The following CADPS variants were observed in gnomAD, a reference collection of about 807,000 sequenced individuals.
CADPS encodes calcium-dependent secretion activator 1.
A neutral mutation model predicts 167.3 loss-of-function variants in CADPS; 57 were observed. The ratio of observed to expected loss-of-function variants is 0.34; its 90% CI spans 0.28 to 0.42. CADPS has a LOEUF of 0.42. CADPS is among the 20% of genes least tolerant of loss of function. The pLI is 1.00. For synonymous variants in CADPS, 676 were observed against 635.3 expected (o/e 1.06, Z -0.96); for missense variants, 1,414 against 1,738.1 (o/e 0.81, Z 3.32).
intron 2 of CADPS, among the ~76,000 whole-genome samples, chr3:62,764,628 G>A (rs1478846609): frequency 6.6e-6 from 1 of 152,174 alleles, no homozygotes; most frequent in East Asian, 1.9e-4. Context: ...GGAGTCAAGT[G>A]CTTTAGCAAG....
At chr3:62,498,437 C>T (rs2065168523) in intron 18 of CADPS, among the ~76,000 whole-genome samples, 1 of 151,984 alleles carries the variant, frequency 6.6e-6, no homozygotes, top group Non-Finnish European at 1.5e-5. Flanking sequence ...TTTTAAATCT[C>T]ACTTTTGAGA....
At chr3:62,648,815 T>C (rs1279420665) in intron 5 of CADPS, among the ~76,000 whole-genome samples, 2 of 152,064 alleles carry the variant, frequency 1.3e-5, no homozygotes, top group African/African-American at 4.8e-5. Context: ...CACCTTTAAT[T>C]GGCAATAATC....
chr3:62,771,229 A>G (rs543810231), intron 1 of CADPS, among the ~76,000 whole-genome samples: 2 of 152,204 alleles, frequency 1.3e-5, no homozygotes, highest in South Asian at 4.1e-4. Context: ...GAGTGAATAC[A>G]TGAGCCTATT....
At chr3:62,490,706 G>A (rs2063553230) in intron 21 of CADPS, among the ~76,000 whole-genome samples, 1 of 152,134 alleles carries the variant, frequency 6.6e-6, no homozygotes. Flanking sequence ...AGTGGGGTAG[G>A]TATTGTTTCC....
At chr3:62,447,972 T>C (rs561652914) in intron 26 of CADPS, among the ~76,000 whole-genome samples, 48 of 152,302 alleles carry the variant, frequency 3.2e-4, no homozygotes, top group African/African-American at 1.1e-3. Flanking sequence ...AGTTTCTTCT[T>C]TAAGCCACCC....
chr3:62,536,909 G>A (rs893782599), intron 11 of CADPS, among the ~76,000 whole-genome samples: 2 of 152,052 alleles, frequency 1.3e-5, no homozygotes, highest in African/African-American at 4.8e-5. Flanking sequence ...AAAGCAGATC[G>A]GATCTTTGCT....
chr3:62,652,360 T>C (rs1162702411), intron 4 of CADPS, among the ~76,000 whole-genome samples: 1 of 133,248 alleles, frequency 7.5e-6, no homozygotes, highest in Non-Finnish European at 1.5e-5. Context: ...CCCACCTAGA[T>C]CCCATGGAAC....
intron 3 of CADPS, among the ~76,000 whole-genome samples, chr3:62,725,000 C>A (rs775923822): frequency 2.6e-5 from 4 of 152,194 alleles, no homozygotes; most frequent in Admixed American, 6.5e-5. Context: ...TGCCAGTGAG[C>A]CCCAGGCTCC....
intron 6 of CADPS, among the ~76,000 whole-genome samples, chr3:62,595,967 GTTC>G (rs2058853114): frequency 6.6e-6 from 1 of 152,098 alleles, no homozygotes; most frequent in Non-Finnish European, 1.5e-5. Context: ...TGGACTCCAA[GTTC>G]TTTAGTTTTG....
chr3:62,457,579 A>C (rs1210542211), intron 26 of CADPS, among the ~76,000 whole-genome samples: 1 of 152,262 alleles, frequency 6.6e-6, no homozygotes, highest in Admixed American at 6.5e-5. Flanking sequence ...CTAAAATATA[A>C]GTCACAAGAG....
chr3:62,457,775 G>A (rs2058864644), intron 26 of CADPS, among the ~76,000 whole-genome samples: 1 of 152,166 alleles, frequency 6.6e-6, no homozygotes, highest in African/African-American at 2.4e-5. Flanking sequence ...ATGAGTTCAT[G>A]TCCTTTGCAG....
chr3:62,850,085 C>CTGATGG (rs2078242007), intron 1 of CADPS, among the ~76,000 whole-genome samples: 1 of 105,420 alleles, frequency 9.5e-6, no homozygotes, highest in African/African-American at 3.4e-5. Context: ...GTAGTATTCT[C>CTGATGG]TGATGGTAGT....
chr3:62,795,813 A>G (rs1424644979), intron 1 of CADPS, among the ~76,000 whole-genome samples: 3 of 152,180 alleles, frequency 2.0e-5, no homozygotes, highest in Non-Finnish European at 4.4e-5. Flanking sequence ...TAGTAGGGGA[A>G]GGCCTCCTGC....
At chr3:62,667,131 G>T (rs2074595986) in intron 3 of CADPS, among the ~76,000 whole-genome samples, 1 of 151,308 alleles carries the variant, frequency 6.6e-6, no homozygotes, top group African/African-American at 2.4e-5. Context: ...GTAAAACTGG[G>T]ATAAGATACC....
At chr3:62,426,564 T>A (rs893675944) in intron 28 of CADPS, among the ~76,000 whole-genome samples, 1 of 152,252 alleles carries the variant, frequency 6.6e-6, no homozygotes, top group Non-Finnish European at 1.5e-5. Context: ...AGGCATCGCC[T>A]CATTTAGTCC....
chr3:62,667,627 GAC>G lies in CADPS; in HGVS notation c.889-5235_889-5234del, dbSNP rs1015628027. On this transcript the variant is annotated intron_variant, in intron 3 of 29. Coordinates refer to ENST00000383710, the MANE Select transcript of CADPS (RefSeq NM_003716.4). ...AAACTCACTCTATCCCATTTCTGGA[GAC>G]ACACAACACACATGAGCAAGAAATC... Among the ~76,000 whole-genome samples, 244 of 152,176 alleles carry G rather than the reference GAC, an allele frequency of 1.6e-3. 2 individuals are homozygous for G. Among genetic ancestry groups the G allele is most frequent in the African/African-American group, 5.5e-3 (230 of 41,530 alleles).
chr3:62,565,304 T>G (rs1367335458), intron 9 of CADPS, among the ~76,000 whole-genome samples: 1 of 152,184 alleles, frequency 6.6e-6, no homozygotes, highest in Non-Finnish European at 1.5e-5. Flanking sequence ...GAGGCTTTAT[T>G]GTGCCATTTG....
chr3:62,491,536 AACACACACACACACACACACAAAC>A (rs2063697097), intron 20 of CADPS, 56 bp from the exon 21 acceptor site: 9 of 1,005,194 alleles, frequency 9.0e-6, no homozygotes, highest in Admixed American at 4.2e-5. Flanking sequence ...ATCAACGTAC[AACACACACACACACACACACAAAC>A]ACACACACAC....
At chr3:62,475,898 C>T (rs893446722) in intron 23 of CADPS, among the ~76,000 whole-genome samples, 5 of 152,080 alleles carry the variant, frequency 3.3e-5, no homozygotes, top group African/African-American at 9.7e-5. Flanking sequence ...ATGAAGTAAT[C>T]GTCTTCAGTT....
Sources: gnomAD v4.1 joint callset for allele counts (sites outside exome capture counted in the v4.1 genomes callset) on GRCh38, gnomAD v4.1.1 for gene constraint, MANE v1.5 for transcripts, NCBI Gene and HGNC (gene_info 2026-07-23, HGNC 2026-07-21) for gene names.